Variants in GRM5 observed in about 807,000 individuals in gnomAD.
GRM5 encodes metabotropic glutamate receptor 5.
Under a neutral mutation model 83.1 loss-of-function variants are expected in GRM5, and 19 were observed. The ratio of observed to expected loss-of-function variants is 0.23; its 90% CI spans 0.16 to 0.34. The LOEUF (loss-of-function observed/expected upper bound fraction) is 0.34, where lower values mean the gene tolerates loss of function less well. Ranked by LOEUF, GRM5 falls within the 10% of genes least tolerant of loss-of-function variation. GRM5 has a pLI of 1.00. For synonymous variants in GRM5, 675 were observed against 633.6 expected, an observed-to-expected ratio of 1.07 and a Z score of -0.98; for missense variants, 1,160 against 1,588.3, an observed-to-expected ratio of 0.73 and a Z score of 4.58.
chr11:88,548,146 T>C (rs766262032), intron 8 of GRM5, among the ~76,000 whole-genome samples: 1 of 152,318 alleles, frequency 6.6e-6, no homozygotes, highest in South Asian at 2.1e-4. Context: ...ACCAAAGGAA[T>C]GCTGCTTGGG....
chr11:88,940,801 C>T (rs555149005), intron 2 of GRM5, among the ~76,000 whole-genome samples: 39 of 151,738 alleles, frequency 2.6e-4, no homozygotes, highest in Middle Eastern at 6.8e-3. Context: ...AGTGACTAAA[C>T]GTACATATTT....
At chr11:88,663,298 T>C (rs1168123431) in intron 3 of GRM5, among the ~76,000 whole-genome samples, 1 of 152,176 alleles carries the variant, frequency 6.6e-6, no homozygotes. Flanking sequence ...GCAGGCATTA[T>C]CTCCTCTGGT....
At chr11:88,555,641 G>A (rs1344090068) in intron 8 of GRM5, among the ~76,000 whole-genome samples, 1 of 152,098 alleles carries the variant, frequency 6.6e-6, no homozygotes, top group African/African-American at 2.4e-5. Flanking sequence ...CTCAGCAGAG[G>A]GGGAGTCACG....
chr11:88,601,827 T>C (rs569901588), intron 5 of GRM5, among the ~76,000 whole-genome samples: 1 of 152,248 alleles, frequency 6.6e-6, no homozygotes, highest in African/African-American at 2.4e-5. Flanking sequence ...GTATGGTAAA[T>C]ATTTTAGGCT....
chr11:88,943,769 A>G, intron 2 of GRM5, among the ~76,000 whole-genome samples: 1 of 152,026 alleles, frequency 6.6e-6, no homozygotes, highest in South Asian at 2.1e-4. Flanking sequence ...TCATTCATAT[A>G]TCCAGATTTC....
chr11:88,800,585 A>G (rs1451421950), intron 3 of GRM5, among the ~76,000 whole-genome samples: 1 of 152,164 alleles, frequency 6.6e-6, no homozygotes, highest in Non-Finnish European at 1.5e-5. Flanking sequence ...CAAATATTTC[A>G]TAAATGAATG....
At chr11:89,032,513 A>C (rs746414531) in intron 2 of GRM5, among the ~76,000 whole-genome samples, 19 of 152,082 alleles carry the variant, frequency 1.2e-4, no homozygotes, top group Admixed American at 2.0e-4. Flanking sequence ...AAGTTGTTTA[A>C]ATTTCCTAGA....
chr11:88,780,156 G>T (rs1942945696), intron 3 of GRM5, among the ~76,000 whole-genome samples: 1 of 152,104 alleles, frequency 6.6e-6, no homozygotes, highest in Non-Finnish European at 1.5e-5. Context: ...CACTTACAAT[G>T]ATAACAATTA....
intron 2 of GRM5, among the ~76,000 whole-genome samples, chr11:89,014,294 C>A (rs7927087): frequency 0.02 from 3,105 of 152,084 alleles, 94 homozygotes; most frequent in African/African-American, 0.069. Context: ...AGAGATCTAC[C>A]AAGACCATTA....
At chr11:88,541,001 C>A (rs929570479) in intron 8 of GRM5, among the ~76,000 whole-genome samples, 1 of 152,062 alleles carries the variant, frequency 6.6e-6, no homozygotes, top group Non-Finnish European at 1.5e-5. Context: ...CCGCCCGCCT[C>A]GGCTTCCCAA....
intron 3 of GRM5, among the ~76,000 whole-genome samples, chr11:88,803,725 A>G (rs1469352681): frequency 6.6e-6 from 1 of 152,096 alleles, no homozygotes; most frequent in Non-Finnish European, 1.5e-5. Context: ...CAGCAAAAGA[A>G]ACTACCATCA....
chr11:88,831,208 CT>C (rs1475798774), intron 3 of GRM5, among the ~76,000 whole-genome samples: 3 of 152,230 alleles, frequency 2.0e-5, no homozygotes, highest in South Asian at 4.1e-4. Context: ...CTGACATCCC[CT>C]GATCACAGAT....
At chr11:88,722,293 C>T (rs547622192) in intron 3 of GRM5, among the ~76,000 whole-genome samples, 1 of 152,202 alleles carries the variant, frequency 6.6e-6, no homozygotes, top group South Asian at 2.1e-4. Context: ...TGTAAGGATG[C>T]CCTGATGACC....
rs1366173863 is a variant in GRM5 at position 88,816,490 on chromosome 11, G to C, written c.911+33416C>G. The stretch of plus-strand genomic sequence containing the variant: ...GGAGGCAGAGGTTGTGGTGAGCCGA[G>C]ATCATGCCACTGCACTCCAGCGTGG... On this transcript the variant is annotated intron_variant, in intron 3 of 9. Transcript: ENST00000305447. Among the ~76,000 whole-genome samples, 4 of 140,078 alleles carry C rather than the reference G, an allele frequency of 2.9e-5. No individual in the cohort carries two copies. The East Asian group carries it at 6.4e-4, about 22-fold the overall frequency. 91.9% of individuals were successfully genotyped at this position (140,078 alleles called of 152,430 possible). A position where few individuals can be genotyped will look rare whatever the true frequency, so the allele number is the denominator to read the frequency against.
intron 4 of GRM5, among the ~76,000 whole-genome samples, chr11:88,619,831 A>G (rs865914696): frequency 6.6e-6 from 1 of 152,182 alleles, no homozygotes; most frequent in South Asian, 2.1e-4. Flanking sequence ...AGGAAGATAT[A>G]AGGGAAGGGA....
chr11:88,965,231 C>A (rs1444721479), intron 2 of GRM5, among the ~76,000 whole-genome samples: 4 of 152,148 alleles, frequency 2.6e-5, no homozygotes, highest in Non-Finnish European at 5.9e-5. Flanking sequence ...TTTCACAGTT[C>A]TGGAGGCTGG....
chr11:89,049,141 A>G lies in GRM5; in HGVS notation c.-200-1069T>C, dbSNP rs118163107. The stretch of plus-strand genomic sequence containing the variant: ...ACAGTCTTGCAATACATTTCACAGT[A>G]ATCAGTCCTCTAGCCCTGATCCAGA... On this transcript the variant is annotated intron_variant, in intron 1 of 9. Coordinates refer to ENST00000305447, the MANE Select transcript of GRM5 (RefSeq NM_001143831.3). Among the ~76,000 whole-genome samples the G allele has an allele frequency of 5.9e-3, 895 of 152,310 alleles. 4 individuals are homozygous for G. The highest frequency in any genetic ancestry group is 9.1e-3 in the Non-Finnish European group (621 of 68,012).
At chr11:88,709,699 T>C (rs1437916821) in intron 3 of GRM5, among the ~76,000 whole-genome samples, 2 of 152,114 alleles carry the variant, frequency 1.3e-5, no homozygotes, top group Non-Finnish European at 2.9e-5. Context: ...CAACAGAGGC[T>C]GTATTTCCAT....
At chr11:89,002,886 A>G (rs1940424137) in intron 2 of GRM5, among the ~76,000 whole-genome samples, 1 of 152,014 alleles carries the variant, frequency 6.6e-6, no homozygotes, top group African/African-American at 2.4e-5. Flanking sequence ...CTTCTCAGTA[A>G]GGCTCACCCA....
Sources: allele counts gnomAD v4.1 joint callset (sites outside exome capture counted in the v4.1 genomes callset), GRCh38; gene constraint gnomAD v4.1.1; transcripts MANE v1.5; gene names NCBI Gene and HGNC (gene_info 2026-07-23, HGNC 2026-07-21).